Variants in GIGYF2 observed in about 807,000 individuals in gnomAD.
The protein encoded by GIGYF2 is GRB10 interacting GYF protein 2.
GIGYF2 carries 25 observed loss-of-function variants against 208.1 expected under a neutral mutation model. The observed-to-expected ratio is 0.12, with a 90% confidence interval of 0.09 to 0.17. The LOEUF is 0.17. Ranked by LOEUF, GIGYF2 falls within the 10% of genes least tolerant of loss-of-function variation. GIGYF2 has a pLI of 1.00. For synonymous variants in GIGYF2, 534 were observed against 543.8 expected (o/e 0.98, Z 0.25); for missense variants, 1,302 against 1,579.4 (o/e 0.82, Z 2.98).
At chr2:232,745,876 A>G (rs188182692) in intron 3 of GIGYF2, among the ~76,000 whole-genome samples, 32 of 152,332 alleles carry the variant, frequency 2.1e-4, no homozygotes, top group African/African-American at 6.7e-4. Flanking sequence ...CAAAATCTCT[A>G]TACTCAGTCA....
At chr2:232,708,783 C>T (rs1014945948) in intron 2 of GIGYF2, among the ~76,000 whole-genome samples, 1 of 151,660 alleles carries the variant, frequency 6.6e-6, no homozygotes, top group African/African-American at 2.4e-5. Flanking sequence ...TCCCATTGCA[C>T]TCCAGCCTGG....
At position 232,794,902 on chromosome 2, in the gene GIGYF2, C is replaced by T; in HGVS notation, c.1437C>T (p.Ser479=). Residue 479 remains serine (S), a synonymous_variant, in exon 13 of 29, where the codon TCC becomes TCT. Transcript: ENST00000373563. ...GTGCTCCTGGTATGGGCAGTGTTTC[C>T]ACAGAACCTGATGATGAAGAAGGTC... ...VVGAPGMGSV[S]TEPDDEEGLK... is the part of the protein sequence containing the mutation. The T allele has an allele frequency of 1.2e-6, 2 of 1,613,962 alleles. No individual in the cohort carries two copies. The highest frequency in any genetic ancestry group is 1.1e-5 in the South Asian group (1 of 91,078).
rs1210332367 is a variant in GIGYF2, at chr2:232,857,132, C to G, written c.*272C>G. 7.5e-6 allele frequency: 4 copies of G among 532,494 alleles called. No homozygotes were observed. Among genetic ancestry groups the G allele is most frequent in the Non-Finnish European group, 1.4e-5 (4 of 294,644 alleles). 33.0% of individuals were successfully genotyped at this position (532,494 alleles called of 1,614,324 possible). A position where few individuals can be genotyped will look rare whatever the true frequency, so the allele number is the denominator to read the frequency against. Reference sequence around the variant, plus strand: ...CCCCAACAAGGCTGATTTTAGGCAGCATGTGTTCACTGTGCTGTGATTTCA... The same window carrying G: ...CCCCAACAAGGCTGATTTTAGGCAGGATGTGTTCACTGTGCTGTGATTTCA... On this transcript the variant is annotated 3_prime_UTR_variant, in exon 29 of 29. Coordinates refer to ENST00000373563, the MANE Select transcript of GIGYF2 (RefSeq NM_001103146.3).
rs771968387 is a variant in GIGYF2 at position 232,839,911 on chromosome 2, G to A, written c.2829G>A (p.Thr943=). Residue 943 remains threonine (T), a synonymous_variant, in exon 23 of 29, where the codon ACG becomes ACA. Transcript: ENST00000373563. ...CAACAGCATGTCAGTCCCAGGCCAC[G>A]CTGTCGTTGGCTGAAATCCAAAAAC... is the stretch of plus-strand genomic sequence containing the variant. ...SNTTACQSQA[T]LSLAEIQKLE... is the part of the protein sequence containing the mutation. 6.8e-6 allele frequency: 11 copies of A among 1,613,742 alleles called. No individual in the cohort carries two copies. The highest frequency in any genetic ancestry group is 6.7e-5 in the Admixed American group (4 of 60,000).
rs1268161797 is a variant in GIGYF2, at chr2:232,820,306, G to A, written c.2529+321G>A. Among the ~76,000 whole-genome samples the A allele has an allele frequency of 2.8e-5, 4 of 142,526 alleles. No homozygotes were observed. In the East Asian group the frequency reaches 8.3e-4, roughly 30 times the overall value. The allele number at this position is 142,526 out of a possible 152,430, so 93.5% of individuals were successfully genotyped here. A position where few individuals can be genotyped will look rare whatever the true frequency, so the allele number is the denominator to read the frequency against. On this transcript the variant is annotated intron_variant, in intron 21 of 28. Transcript: ENST00000373563. ...ACAACAAATTCTCATAAATCACCCAGCAATAATTTCTTTTTTTTTTTTTTT... is the reference window on the plus strand; with the variant it reads ...ACAACAAATTCTCATAAATCACCCAACAATAATTTCTTTTTTTTTTTTTTT...
intron 8 of GIGYF2, chr2:232,770,776 C>T (rs1699209609): frequency 1.4e-6 from 1 of 692,138 alleles, no homozygotes; most frequent in Non-Finnish European, 2.5e-6. Flanking sequence ...ACATTACCTG[C>T]TATCAATATA....
chr2:232,801,599 G>A (rs1314106546), intron 14 of GIGYF2, among the ~76,000 whole-genome samples: 1 of 152,132 alleles, frequency 6.6e-6, no homozygotes, highest in Non-Finnish European at 1.5e-5. Context: ...GGCTAAGTCA[G>A]GTTAATTAAC....
In GIGYF2 at chr2:232,789,596, G is replaced by A. The variant is rs145409561; in HGVS notation, c.713-1102G>A. Among the ~76,000 whole-genome samples the A allele has an allele frequency of 8.7e-3, 1,324 of 152,210 alleles. 34 individuals are homozygous for A. Among genetic ancestry groups the A allele is most frequent in the Admixed American group, 0.054 (831 of 15,284 alleles). On this transcript the variant is annotated intron_variant, in intron 9 of 28. Transcript: ENST00000373563. ...CTTTTTTGTGAGTGGCTTATCAGAT[G>A]CTACCTGTATTTGGCATTTTAACGT...
intron 15 of GIGYF2, among the ~76,000 whole-genome samples, chr2:232,808,069 T>C (rs1244285305): frequency 6.6e-6 from 1 of 152,226 alleles, no homozygotes; most frequent in Non-Finnish European, 1.5e-5. Context: ...TTTTAAATGT[T>C]GATCTTAACC....
intron 4 of GIGYF2, among the ~76,000 whole-genome samples, chr2:232,748,089 C>T (rs917703508): frequency 6.6e-6 from 1 of 152,106 alleles, no homozygotes; most frequent in Non-Finnish European, 1.5e-5. Context: ...TCTTATCCTA[C>T]TTGCCACTTA....
chr2:232,792,169 C>G (rs1371315691), intron 12 of GIGYF2, among the ~76,000 whole-genome samples: 1 of 152,154 alleles, frequency 6.6e-6, no homozygotes, highest in Non-Finnish European at 1.5e-5. Context: ...AGCCTCAAAG[C>G]CTTTTAGGTC....
intron 3 of GIGYF2, among the ~76,000 whole-genome samples, chr2:232,746,221 T>C (rs570431424): frequency 2.0e-4 from 31 of 152,254 alleles, no homozygotes; most frequent in African/African-American, 7.5e-4. Flanking sequence ...TACTAATGCA[T>C]ATTTTTTCTT....
At chr2:232,735,093 C>A in intron 2 of GIGYF2, 62 bp from the exon 3 acceptor site, 1 of 780,300 alleles carries the variant, frequency 1.3e-6, no homozygotes, top group Non-Finnish European at 2.3e-6. Flanking sequence ...ACTGTACTTT[C>A]TGGCCTGGAA....
chr2:232,828,901 T>G (rs1701334313), intron 21 of GIGYF2: 1 of 152,206 alleles, frequency 6.6e-6, no homozygotes, highest in South Asian at 2.1e-4. Flanking sequence ...CTACCAAGCT[T>G]GGCCTCCTAC....
At chr2:232,821,236 T>C (rs1311052001) in intron 21 of GIGYF2, among the ~76,000 whole-genome samples, 1 of 152,240 alleles carries the variant, frequency 6.6e-6, no homozygotes, top group Admixed American at 6.5e-5. Flanking sequence ...AAAGTCTCGC[T>C]CTGTTGCCCA....
chr2:232,748,591 A>G (rs1187210674), intron 4 of GIGYF2, among the ~76,000 whole-genome samples: 1 of 152,140 alleles, frequency 6.6e-6, no homozygotes, highest in Non-Finnish European at 1.5e-5. Flanking sequence ...CACCTCCAGT[A>G]TACTTTGTTT....
chr2:232,703,997 C>G (rs962889277), intron 2 of GIGYF2, among the ~76,000 whole-genome samples: 74 of 152,304 alleles, frequency 4.9e-4, no homozygotes, highest in Non-Finnish European at 1.6e-4. Context: ...AACTTAGGCT[C>G]TAGTGCCAGT....
At chr2:232,777,403 G>A (rs1262539437) in intron 8 of GIGYF2, among the ~76,000 whole-genome samples, 2 of 152,160 alleles carry the variant, frequency 1.3e-5, no homozygotes, top group East Asian at 1.9e-4. Flanking sequence ...GTATGGCTTT[G>A]TGCAGTGCCT....
intron 14 of GIGYF2, among the ~76,000 whole-genome samples, chr2:232,802,444 G>T (rs916844133): frequency 6.6e-6 from 1 of 151,958 alleles, no homozygotes; most frequent in African/African-American, 2.4e-5. Context: ...TTAGTTTCTT[G>T]ACCCTTATGA....
Sources: gnomAD v4.1 joint callset for allele counts (sites outside exome capture counted in the v4.1 genomes callset) on GRCh38, gnomAD v4.1.1 for gene constraint, MANE v1.5 for transcripts, NCBI Gene and HGNC (gene_info 2026-07-23, HGNC 2026-07-21) for gene names.